SPOCK1: variants seen among roughly 807,000 people sequenced by gnomAD.
SPOCK1 encodes the protein SPARC (osteonectin), cwcv and kazal like domains proteoglycan 1, also known as testican-1.
In SPOCK1, 23 loss-of-function variants were observed where a neutral mutation model predicts 55.3. The observed-to-expected ratio is 0.42, with a 90% CI of 0.30 to 0.59. The LOEUF (loss-of-function observed/expected upper bound fraction) is 0.59. Ranked by LOEUF, SPOCK1 falls within the 20% of genes least tolerant of loss-of-function variation. The pLI is 0.22. For synonymous variants in SPOCK1, 226 were observed against 221.0 expected (o/e 1.02, Z -0.20); for missense variants, 499 against 552.5 (o/e 0.90, Z 0.97).
chr5:137,418,375 G>A lies in SPOCK1; in HGVS notation c.186+79998C>T, dbSNP rs1216222814. ...TCTAGTTCTAGATCCCTGAGGAATC[G>A]CCACACTGACTTCCATAATGGTTGA... On this transcript the variant is annotated intron_variant, in intron 2 of 10. Coordinates refer to ENST00000394945, the MANE Select transcript of SPOCK1 (RefSeq NM_004598.4). Among the ~76,000 whole-genome samples the A allele has an allele frequency of 1.3e-4, 20 of 152,272 alleles. No individual in the cohort carries two copies. In the South Asian group the frequency reaches 1.7e-3, roughly 13 times the overall value.
At chr5:137,023,218 T>C (rs1411478124) in intron 6 of SPOCK1, among the ~76,000 whole-genome samples, 4 of 152,228 alleles carry the variant, frequency 2.6e-5, no homozygotes, top group African/African-American at 9.6e-5. Context: ...AATTAACATA[T>C]ATAGTTCTTA....
intron 5 of SPOCK1, among the ~76,000 whole-genome samples, chr5:137,068,583 G>T (rs1205786292): frequency 6.6e-6 from 1 of 152,164 alleles, no homozygotes; most frequent in Non-Finnish European, 1.5e-5. Context: ...CAGAACACAG[G>T]CAGGAGAGAG....
At position 137,229,916 on chromosome 5, in the gene SPOCK1, G is replaced by T. The variant is rs181982623; in HGVS notation, c.232+37094C>A. 4.1e-3 allele frequency among the ~76,000 whole-genome samples: 624 copies of T among 152,244 alleles called. 5 individuals are homozygous for T. Among genetic ancestry groups the T allele is most frequent in the Non-Finnish European group, 5.3e-3 (357 of 67,996 alleles). Reference sequence around the variant, plus strand: ...CAGGAGGCAGAGCTCAGGCAGTAAGGCTCACTCACCCTGCCGCTCACCTCC... The same window carrying T: ...CAGGAGGCAGAGCTCAGGCAGTAAGTCTCACTCACCCTGCCGCTCACCTCC... On this transcript the variant is annotated intron_variant, in intron 3 of 10. Coordinates refer to ENST00000394945, the MANE Select transcript of SPOCK1 (RefSeq NM_004598.4).
chr5:137,106,864 T>A (rs1354961958), intron 5 of SPOCK1, among the ~76,000 whole-genome samples: 1 of 152,182 alleles, frequency 6.6e-6, no homozygotes, highest in Non-Finnish European at 1.5e-5. Flanking sequence ...CTACAGCTAG[T>A]GAACCCCTTT....
At chr5:137,003,741 G>T (rs557008512) in intron 6 of SPOCK1, among the ~76,000 whole-genome samples, 1 of 152,250 alleles carries the variant, frequency 6.6e-6, no homozygotes, top group African/African-American at 2.4e-5. Flanking sequence ...ATGCATGTAT[G>T]TTTTTACACT....
At chr5:137,209,644 C>T (rs766526244) in intron 3 of SPOCK1, among the ~76,000 whole-genome samples, 1 of 152,228 alleles carries the variant, frequency 6.6e-6, no homozygotes, top group Non-Finnish European at 1.5e-5. Flanking sequence ...TATGGCCCTC[C>T]TGAGAATTCG....
At chr5:137,351,862 G>A (rs1460241172) in intron 2 of SPOCK1, among the ~76,000 whole-genome samples, 1 of 152,216 alleles carries the variant, frequency 6.6e-6, no homozygotes, top group South Asian at 2.1e-4. Context: ...ATTAAAGGAT[G>A]GGCATGTAGG....
chr5:137,321,956 T>C (rs1275853007), intron 2 of SPOCK1, among the ~76,000 whole-genome samples: 1 of 152,126 alleles, frequency 6.6e-6, no homozygotes, highest in African/African-American at 2.4e-5. Context: ...AAGGCTTTCC[T>C]AGATAAACAA....
intron 2 of SPOCK1, among the ~76,000 whole-genome samples, chr5:137,304,442 T>C (rs1239206419): frequency 2.6e-5 from 4 of 152,118 alleles, no homozygotes; most frequent in Non-Finnish European, 4.4e-5. Flanking sequence ...CTTTGCCAAG[T>C]TTATCAGTTT....
chr5:137,375,361 T>C (rs1285849928), intron 2 of SPOCK1, among the ~76,000 whole-genome samples: 1 of 152,150 alleles, frequency 6.6e-6, no homozygotes, highest in African/African-American at 2.4e-5. Context: ...TATATCAAAT[T>C]CAAAAACAGG....
chr5:137,126,487 G>T (rs1357855585), intron 4 of SPOCK1, among the ~76,000 whole-genome samples: 1 of 152,194 alleles, frequency 6.6e-6, no homozygotes, highest in African/African-American at 2.4e-5. Context: ...AGGAGATCAG[G>T]CACAGTTGCT....
intron 2 of SPOCK1, among the ~76,000 whole-genome samples, chr5:137,304,810 T>A (rs1464975949): frequency 6.6e-6 from 1 of 152,106 alleles, no homozygotes; most frequent in East Asian, 1.9e-4. Flanking sequence ...CATCAACAAG[T>A]CACTTAATCT....
chr5:137,290,794 C>T (rs141800003), intron 2 of SPOCK1, among the ~76,000 whole-genome samples: 1 of 152,260 alleles, frequency 6.6e-6, no homozygotes, highest in Non-Finnish European at 1.5e-5. Flanking sequence ...CTGCTGAAGG[C>T]GTACATCCCA....
chr5:137,066,987 C>CACACACACAGAGAGAGAGAGAGAGAG (rs1343691789), intron 6 of SPOCK1, among the ~76,000 whole-genome samples: 20 of 139,658 alleles, frequency 1.4e-4, no homozygotes, highest in South Asian at 9.4e-4. Flanking sequence ...CACACACACA[C>CACACACACAGAGAGAGAGAGAGAGAG]AGAGAGAGAG....
At chr5:137,065,667 T>C (rs937553190) in intron 6 of SPOCK1, among the ~76,000 whole-genome samples, 7 of 152,222 alleles carry the variant, frequency 4.6e-5, no homozygotes, top group African/African-American at 1.7e-4. Context: ...ATTTTTAATG[T>C]TCTATTTTCT....
intron 2 of SPOCK1, among the ~76,000 whole-genome samples, chr5:137,406,079 C>G (rs1265910005): frequency 1.3e-5 from 2 of 152,200 alleles, no homozygotes; most frequent in African/African-American, 4.8e-5. Context: ...ATCCCAATTT[C>G]TAGGGAGTCA....
At chr5:137,018,511 G>T (rs1422335137) in intron 6 of SPOCK1, among the ~76,000 whole-genome samples, 1 of 152,122 alleles carries the variant, frequency 6.6e-6, no homozygotes, top group Non-Finnish European at 1.5e-5. Context: ...ATAACCCTCA[G>T]GAGGTACATG....
intron 2 of SPOCK1, among the ~76,000 whole-genome samples, chr5:137,489,433 T>C (rs1561549140): frequency 6.6e-6 from 1 of 152,120 alleles, no homozygotes; most frequent in Admixed American, 6.5e-5. Flanking sequence ...GTAGGAACTG[T>C]AGGAGCTCTA....
At chr5:137,399,896 G>C (rs1384222223) in intron 2 of SPOCK1, among the ~76,000 whole-genome samples, 1 of 152,166 alleles carries the variant, frequency 6.6e-6, no homozygotes, top group Non-Finnish European at 1.5e-5. Flanking sequence ...GGGAAAAGTG[G>C]GAGACATTTG....
Sources: gnomAD v4.1 joint callset for allele counts (sites outside exome capture counted in the v4.1 genomes callset) on GRCh38, gnomAD v4.1.1 for gene constraint, MANE v1.5 for transcripts, NCBI Gene and HGNC (gene_info 2026-07-23, HGNC 2026-07-21) for gene names.